TAFA1: variants seen among roughly 807,000 people sequenced by gnomAD.
TAFA1 encodes the protein chemokine-like protein TAFA-1.
TAFA1 carries 4 observed loss-of-function variants against 18.5 expected under a neutral mutation model. The ratio of observed to expected loss-of-function variants is 0.22; its 90% confidence interval spans 0.11 to 0.49. The LOEUF (loss-of-function observed/expected upper bound fraction) is 0.49. Ranked by LOEUF, TAFA1 falls within the 20% of genes least tolerant of loss-of-function variation. TAFA1 has a pLI of 0.98. For missense variants in TAFA1, 147 were observed against 169.0 expected, an observed-to-expected ratio of 0.87 and a Z score of 0.72; for synonymous variants, 56 against 55.2, an observed-to-expected ratio of 1.01 and a Z score of -0.06.
At chr3:68,366,049 G>A (rs969409244) in intron 2 of TAFA1, among the ~76,000 whole-genome samples, 2 of 134,302 alleles carry the variant, frequency 1.5e-5, no homozygotes, top group Non-Finnish European at 3.0e-5. Context: ...TTGCACCACC[G>A]CACTCCAGCC....
chr3:68,260,332 T>C (rs9713929), intron 2 of TAFA1, among the ~76,000 whole-genome samples: 101,019 of 151,678 alleles, frequency 0.67, 34,835 homozygotes, highest in East Asian at 0.98. Context: ...CTGCTGAATT[T>C]GGTTTGCCAG....
intron 3 of TAFA1, among the ~76,000 whole-genome samples, chr3:68,421,619 G>A (rs984312531): frequency 4.0e-5 from 6 of 151,630 alleles, no homozygotes; most frequent in African/African-American, 1.2e-4. Flanking sequence ...TTGATAGAAT[G>A]ACATTTGCTT....
At chr3:68,357,765 C>A (rs572053785) in intron 2 of TAFA1, among the ~76,000 whole-genome samples, 1 of 152,008 alleles carries the variant, frequency 6.6e-6, no homozygotes, top group East Asian at 1.9e-4. Context: ...ATTTTTATAT[C>A]CCTTTTAGAG....
intron 2 of TAFA1, among the ~76,000 whole-genome samples, chr3:68,008,936 G>C (rs1019217625): frequency 1.3e-5 from 2 of 152,076 alleles, no homozygotes; most frequent in Non-Finnish European, 2.9e-5. Context: ...GCGGGGAGAG[G>C]TGGGGTGTAA....
At chr3:68,466,027 C>T (rs780123069) in intron 3 of TAFA1, among the ~76,000 whole-genome samples, 17 of 152,090 alleles carry the variant, frequency 1.1e-4, no homozygotes, top group South Asian at 2.1e-4. Flanking sequence ...TAGATGTTAT[C>T]ATTTGTTGAG....
intron 2 of TAFA1, among the ~76,000 whole-genome samples, chr3:68,388,589 T>C (rs2070157481): frequency 6.6e-6 from 1 of 152,300 alleles, no homozygotes; most frequent in South Asian, 2.1e-4. Flanking sequence ...CAGCATCCTT[T>C]TTATTTGCTT....
At chr3:68,341,167 T>C (rs1268141586) in intron 2 of TAFA1, among the ~76,000 whole-genome samples, 1 of 152,170 alleles carries the variant, frequency 6.6e-6, no homozygotes, top group Non-Finnish European at 1.5e-5. Flanking sequence ...GACCATAGTT[T>C]TATTAATACT....
At chr3:68,199,663 T>A (rs2107035757) in intron 2 of TAFA1, among the ~76,000 whole-genome samples, 1 of 151,706 alleles carries the variant, frequency 6.6e-6, no homozygotes, top group Admixed American at 6.6e-5. Context: ...TTGTTGCTGG[T>A]ATATAGGAAA....
At chr3:68,001,218 A>C (rs1383482664), upstream of TAFA1, among the ~76,000 whole-genome samples, 2 of 152,232 alleles carry the variant, frequency 1.3e-5, no homozygotes, top group Non-Finnish European at 2.9e-5. Context: ...GAGAAGCGTA[A>C]GAACAAAAGA....
intron 3 of TAFA1, among the ~76,000 whole-genome samples, chr3:68,429,989 G>C (rs1024083949): frequency 6.6e-6 from 1 of 151,904 alleles, no homozygotes; most frequent in Non-Finnish European, 1.5e-5. Context: ...TTGGAGTATT[G>C]ACTATGTGCC....
At chr3:68,385,146 A>G (rs1441895707) in intron 2 of TAFA1, among the ~76,000 whole-genome samples, 1 of 152,058 alleles carries the variant, frequency 6.6e-6, no homozygotes, top group East Asian at 1.9e-4. Context: ...AACTGGAGGT[A>G]ATAATAGAGC....
At position 68,091,073 on chromosome 3, in the gene TAFA1, C is replaced by A. The variant is rs1037618259; in HGVS notation, c.118+84329C>A. ...GCTTTCTTGATGAGGAACACTTTTT[C>A]GTTGTCTAATGTTGTTCTAATCAGC... On this transcript the variant is annotated intron_variant, in intron 2 of 4. Coordinates refer to ENST00000478136, the MANE Select transcript of TAFA1 (RefSeq NM_213609.4). Among the ~76,000 whole-genome samples the A allele has an allele frequency of 2.6e-5, 4 of 152,104 alleles. No individual in the cohort carries two copies. The South Asian group carries it at 8.3e-4, about 31-fold the overall frequency.
At chr3:68,173,757 T>C (rs1012605072) in intron 2 of TAFA1, among the ~76,000 whole-genome samples, 1 of 152,192 alleles carries the variant, frequency 6.6e-6, no homozygotes. Context: ...GTTGGTTTTT[T>C]GCCTTCCTTT....
At chr3:68,287,397 AC>A (rs2068028880) in intron 2 of TAFA1, among the ~76,000 whole-genome samples, 1 of 151,768 alleles carries the variant, frequency 6.6e-6, no homozygotes, top group South Asian at 2.1e-4. Context: ...CTGCTCCCTC[AC>A]CCTCCTCCTT....
At chr3:68,437,964 A>G (rs2071294975) in intron 3 of TAFA1, among the ~76,000 whole-genome samples, 1 of 152,144 alleles carries the variant, frequency 6.6e-6, no homozygotes, top group Non-Finnish European at 1.5e-5. Context: ...TGGGAGAGAC[A>G]TAGGGTACAC....
intron 2 of TAFA1, among the ~76,000 whole-genome samples, chr3:68,330,540 C>A (rs927980424): frequency 6.6e-6 from 1 of 152,182 alleles, no homozygotes; most frequent in African/African-American, 2.4e-5. Context: ...TGAGTTCTTG[C>A]TGTGCTTTAT....
In TAFA1 at chr3:68,440,272, T is replaced by TTG. The variant is rs1365993417; in HGVS notation, c.259+22855_259+22856dup. The stretch of plus-strand genomic sequence containing the variant: ...ACATGCCTTTCACCTCCCACCATGA[T>TTG]TGTGAGGCCTCCCCAGCCACACAGA... On this transcript the variant is annotated intron_variant, in intron 3 of 4. Transcript: ENST00000478136. Among the ~76,000 whole-genome samples the TTG allele has an allele frequency of 1.8e-4, 27 of 152,316 alleles. No individual in the cohort carries two copies. The East Asian group carries it at 5.0e-3, about 28-fold the overall frequency.
chr3:68,123,818 T>C (rs1324060993), intron 2 of TAFA1, among the ~76,000 whole-genome samples: 1 of 140,576 alleles, frequency 7.1e-6, no homozygotes, highest in Non-Finnish European at 1.5e-5. Flanking sequence ...TGTAACCAGA[T>C]GCTCTAGGAG....
chr3:68,066,054 A>C (rs976278742), intron 2 of TAFA1, among the ~76,000 whole-genome samples: 9 of 152,178 alleles, frequency 5.9e-5, no homozygotes. Context: ...TAGGAAGCAG[A>C]TCAGTAGTTA....
Sources: allele counts gnomAD v4.1 joint callset (sites outside exome capture counted in the v4.1 genomes callset), GRCh38; gene constraint gnomAD v4.1.1; transcripts MANE v1.5; gene names NCBI Gene and HGNC (gene_info 2026-07-23, HGNC 2026-07-21).